Variants in FER1L6 observed in about 807,000 individuals in gnomAD.
FER1L6 encodes the protein fer-1 like family member 6.
Under a neutral mutation model 219.2 loss-of-function variants are expected in FER1L6, and 177 were observed. That is an observed-to-expected ratio of 0.81 (90% CI 0.71 to 0.91). The LOEUF is 0.91. FER1L6 is among the 40% of genes least tolerant of loss of function. FER1L6 has a pLI of 0.00. For synonymous variants in FER1L6, 768 were observed against 824.3 expected, an observed-to-expected ratio of 0.93 and a Z score of 1.17; for missense variants, 2,153 against 2,259.9, an observed-to-expected ratio of 0.95 and a Z score of 0.96.
At position 123,977,010 on chromosome 8, in the gene FER1L6, C is replaced by T. The variant is rs563215760; in HGVS notation, c.871-407C>T. ...AACACTGAAGTATTTTTGACTTGGGCTGAACTTGGAGATCATATAAGACAT... is the reference window on the plus strand; with the variant it reads ...AACACTGAAGTATTTTTGACTTGGGTTGAACTTGGAGATCATATAAGACAT... On this transcript the variant is annotated intron_variant, in intron 9 of 40. Transcript: ENST00000522917. Among the ~76,000 whole-genome samples the T allele has an allele frequency of 5.3e-5, 8 of 152,320 alleles. No individual in the cohort carries two copies. In the East Asian group the frequency reaches 1.5e-3, roughly 29 times the overall value.
chr8:124,039,906 C>T lies in FER1L6; in HGVS notation c.2489C>T (p.Ala830Val). Reference protein sequence around the residue: ...YQEQHVFQLRAHMYQARGLIA... With the variant: ...YQEQHVFQLRVHMYQARGLIA... ...GAACAGCATGTTTTTCAGCTGAGGG[C>T]TCACATGTACCAAGCCCGGGGCCTC... Residue 830 changes from alanine to valine, a missense_variant, in exon 20 of 41, where the codon GCT becomes GTT. Transcript: ENST00000522917. The T allele has an allele frequency of 6.2e-7, 1 of 1,614,132 alleles. No individual in the cohort carries two copies. The highest frequency in any genetic ancestry group is 8.5e-7 in the Non-Finnish European group (1 of 1,179,982).
chr8:124,052,073 A>C (rs988680871), intron 22 of FER1L6, among the ~76,000 whole-genome samples: 1 of 152,178 alleles, frequency 6.6e-6, no homozygotes, highest in Admixed American at 6.5e-5. Context: ...CTTAAAACCA[A>C]ATGGGATTCT....
intron 10 of FER1L6, among the ~76,000 whole-genome samples, chr8:123,978,947 C>T (rs941497317): frequency 6.6e-5 from 10 of 152,136 alleles, no homozygotes; most frequent in African/African-American, 2.4e-4. Flanking sequence ...TTATTTACAA[C>T]CTTTTAGGAA....
intron 12 of FER1L6, among the ~76,000 whole-genome samples, chr8:123,988,854 G>A (rs1343466835): frequency 6.6e-6 from 1 of 152,062 alleles, no homozygotes; most frequent in East Asian, 1.9e-4. Flanking sequence ...AGGACTCCCA[G>A]TATTATGTTC....
chr8:124,119,932 A>T lies in FER1L6; in HGVS notation c.*142A>T. The stretch of plus-strand genomic sequence containing the variant: ...CCCTTCTTGGAAGAGATGGAAAAGA[A>T]ACATTTCCTCCCTGCTCCAACCCCT... On this transcript the variant is annotated 3_prime_UTR_variant, in exon 41 of 41. Transcript: ENST00000522917. 3.5e-6 allele frequency: 3 copies of T among 846,874 alleles called. No individual in the cohort carries two copies. The highest frequency in any genetic ancestry group is 2.5e-5 in the South Asian group (1 of 39,502). 52.5% of individuals were successfully genotyped at this position (846,874 alleles called of 1,614,324 possible). A position where few individuals can be genotyped will look rare whatever the true frequency, so the allele number is the denominator to read the frequency against.
At chr8:124,021,193 A>G (rs552919194) in intron 16 of FER1L6, among the ~76,000 whole-genome samples, 5 of 152,168 alleles carry the variant, frequency 3.3e-5, no homozygotes, top group African/African-American at 4.8e-5. Flanking sequence ...GGTCCCTCCT[A>G]TGATATGTGG....
intron 1 of FER1L6, among the ~76,000 whole-genome samples, chr8:123,855,059 G>A (rs143282893): frequency 1.1e-3 from 171 of 152,144 alleles, no homozygotes; most frequent in East Asian, 3.9e-3. Flanking sequence ...CTCTTCAATC[G>A]GCCCTGGGTC....
At position 124,023,483 on chromosome 8, in the gene FER1L6, A is replaced by C; in HGVS notation, c.2173A>C (p.Ser725Arg). Reference protein sequence around the residue: ...TIPDVFIWMLSNNRRVAYARI... With the variant: ...TIPDVFIWMLRNNRRVAYARI... ...CCCTGACGTTTTCATCTGGATGCTC[A>C]GCAACAACAGGAGAGTGGCCTATGC... The change falls in exon 18 of 41, where the codon AGC becomes CGC. Residue 725 changes from serine (S) to arginine (R), a missense_variant. Transcript: ENST00000522917. 1.9e-6 allele frequency: 3 copies of C among 1,614,184 alleles called. No individual in the cohort carries two copies. The South Asian group carries it at 3.3e-5, about 18-fold the overall frequency.
At chr8:124,081,283 T>A (rs1821539316) in intron 32 of FER1L6, among the ~76,000 whole-genome samples, 1 of 152,176 alleles carries the variant, frequency 6.6e-6, no homozygotes, top group Non-Finnish European at 1.5e-5. Flanking sequence ...CGCAGTTAAT[T>A]TTCAAGTACC....
At chr8:124,051,667 C>G (rs1476587913) in intron 22 of FER1L6, among the ~76,000 whole-genome samples, 1 of 152,080 alleles carries the variant, frequency 6.6e-6, no homozygotes, top group Non-Finnish European at 1.5e-5. Flanking sequence ...CTCAATATGG[C>G]GAGTGAGAGC....
intron 3 of FER1L6, among the ~76,000 whole-genome samples, chr8:123,964,883 C>A (rs1272189812): frequency 1.3e-5 from 2 of 152,140 alleles, no homozygotes; most frequent in Admixed American, 6.6e-5. Context: ...TTTACACTTG[C>A]CTACTAGTTC....
At position 123,856,316 on chromosome 8, in the gene FER1L6, G is replaced by GTGTGTGTGTGTATATA. The variant is rs71576706; in HGVS notation, c.-8+4132_-8+4133insGTGTGTGTGTATATAT. 2.4e-4 allele frequency among the ~76,000 whole-genome samples: 11 copies of GTGTGTGTGTGTATATA among 45,088 alleles called. 3 individuals carry two copies. The highest frequency in any genetic ancestry group is 0.029 in the Middle Eastern group (2 of 68). The allele number at this position is 45,088 out of a possible 152,430, so 29.6% of individuals were successfully genotyped here. ...TGTATATATATATATATATGTATGT[G>GTGTGTGTGTGTATATA]TATATATATATATATATATATATAT... On this transcript the variant is annotated intron_variant, in intron 1 of 40. Transcript: ENST00000522917.
intron 37 of FER1L6, 55 bp from the exon 38 acceptor site, chr8:124,101,042 C>G (rs898328271): frequency 7.1e-6 from 11 of 1,544,206 alleles, no homozygotes; most frequent in Non-Finnish European, 9.8e-6. Flanking sequence ...TATGATTATA[C>G]TGATGCCTGG....
At chr8:124,014,753 A>C (rs989004177) in intron 15 of FER1L6, among the ~76,000 whole-genome samples, 2 of 152,214 alleles carry the variant, frequency 1.3e-5, no homozygotes, top group Non-Finnish European at 2.9e-5. Flanking sequence ...AATATAAAAA[A>C]AGATAAAAAA....
At chr8:124,011,508 C>T (rs1057486422) in intron 14 of FER1L6, among the ~76,000 whole-genome samples, 1 of 151,842 alleles carries the variant, frequency 6.6e-6, no homozygotes, top group African/African-American at 2.4e-5. Context: ...TACTACCACC[C>T]CTGGCTAATT....
chr8:123,905,236 C>G (rs181004346), intron 1 of FER1L6, among the ~76,000 whole-genome samples: 2 of 152,270 alleles, frequency 1.3e-5, no homozygotes, highest in East Asian at 3.9e-4. Flanking sequence ...TACTCTCCCT[C>G]CCCCCAACAC....
rs908197283 is a variant in FER1L6 at position 124,069,576 on chromosome 8, T to C, written c.3834+101T>C. 13 of 775,372 alleles carry C rather than the reference T, an allele frequency of 1.7e-5. No homozygotes were observed. The African/African-American group carries it at 2.3e-4, about 14-fold the overall frequency. The allele number at this position is 775,372 out of a possible 1,614,324, so 48.0% of individuals were successfully genotyped here. A position where few individuals can be genotyped will look rare whatever the true frequency, so the allele number is the denominator to read the frequency against. On this transcript the variant is annotated intron_variant, in intron 29 of 40. Coordinates refer to ENST00000522917, the MANE Select transcript of FER1L6 (RefSeq NM_001039112.2). ...CAACCCTAGTCATGCCTTTGTTTGA[T>C]ATTTTGTCTTCATTGTCACCGATGT... is the stretch of plus-strand genomic sequence containing the variant.
intron 6 of FER1L6, among the ~76,000 whole-genome samples, chr8:123,971,845 G>A (rs547753095): frequency 3.9e-5 from 6 of 152,164 alleles, no homozygotes; most frequent in Non-Finnish European, 1.5e-5. Context: ...AGGCATGCAG[G>A]GCTCCCAGTA....
chr8:124,050,229 CTT>C (rs751645568), intron 22 of FER1L6, among the ~76,000 whole-genome samples: 1 of 152,196 alleles, frequency 6.6e-6, no homozygotes, highest in Non-Finnish European at 1.5e-5. Flanking sequence ...GATTGACTGA[CTT>C]ATCACACAGC....
Sources: allele counts gnomAD v4.1 joint callset (sites outside exome capture counted in the v4.1 genomes callset), GRCh38; gene constraint gnomAD v4.1.1; transcripts MANE v1.5; gene names NCBI Gene and HGNC (gene_info 2026-07-23, HGNC 2026-07-21).